Variants in SORL1 observed in about 807,000 individuals in gnomAD.
The protein encoded by SORL1 is sortilin related receptor 1.
Under a neutral mutation model 273.7 loss-of-function variants are expected in SORL1, and 127 were observed. The observed-to-expected ratio is 0.46, with a 90% CI of 0.40 to 0.54. SORL1 has a LOEUF of 0.54. Ranked by LOEUF, SORL1 falls within the 20% of genes least tolerant of loss-of-function variation. The pLI is 0.00. For synonymous variants in SORL1, 1,031 were observed against 1,067.4 expected (o/e 0.97, Z 0.66); for missense variants, 2,494 against 2,846.1 (o/e 0.88, Z 2.81).
chr11:121,478,095 A>T, intron 2 of SORL1, 23 bp from the exon 3 acceptor site: 1 of 1,582,242 alleles, frequency 6.3e-7, no homozygotes, highest in African/African-American at 1.4e-5. Context: ...TTTCTTTTTC[A>T]TCTCCTTTTC....
At chr11:121,523,853 T>C (rs1466961456) in intron 11 of SORL1, among the ~76,000 whole-genome samples, 1 of 152,170 alleles carries the variant, frequency 6.6e-6, no homozygotes, top group African/African-American at 2.4e-5. Context: ...CTAGCAGACA[T>C]AGTTCCCATC....
At chr11:121,495,164 C>T (rs934195249) in intron 5 of SORL1, among the ~76,000 whole-genome samples, 2 of 152,168 alleles carry the variant, frequency 1.3e-5, no homozygotes, top group African/African-American at 4.8e-5. Flanking sequence ...GCTCACCCAG[C>T]CTCAAACTTC....
chr11:121,495,596 C>G (rs569654378), intron 5 of SORL1, among the ~76,000 whole-genome samples: 1 of 152,176 alleles, frequency 6.6e-6, no homozygotes, highest in Non-Finnish European at 1.5e-5. Context: ...TGTATTCTCA[C>G]TACAAGACTA....
chr11:121,602,848 GC>G (rs1863414565), intron 32 of SORL1, among the ~76,000 whole-genome samples: 1 of 152,122 alleles, frequency 6.6e-6, no homozygotes, highest in African/African-American at 2.4e-5. Flanking sequence ...AGTTAGCTTG[GC>G]CTACGTGCAG....
In SORL1 at chr11:121,490,011, G is replaced by T. The variant is rs766774665; in HGVS notation, c.691-32G>T. The T allele has an allele frequency of 9.7e-6, 15 of 1,548,768 alleles. No homozygotes were observed. The South Asian group carries it at 1.7e-4, about 17-fold the overall frequency. On this transcript the variant is annotated intron_variant, in intron 4 of 47. Coordinates refer to ENST00000260197, the MANE Select transcript of SORL1 (RefSeq NM_003105.6). ...ATGCCATTCAGGTTGTATTATACAT[G>T]CCTCTTGCATCATGACCACTTGTCT...
chr11:121,513,201 T>C (rs945595167), intron 7 of SORL1, 97 bp downstream of exon 7: 79 of 899,308 alleles, frequency 8.8e-5, no homozygotes, highest in Middle Eastern at 4.8e-4. Context: ...GGAGTGGATA[T>C]TTTATGGCGC....
chr11:121,571,213 A>T (rs574194466), intron 23 of SORL1, among the ~76,000 whole-genome samples: 221 of 152,358 alleles, frequency 1.5e-3, no homozygotes, highest in Middle Eastern at 0.014. Context: ...CCTAGCAAAG[A>T]GCTCTGGAGA....
At chr11:121,609,613 G>T (rs1166606874) in intron 38 of SORL1, 1 of 152,204 alleles carries the variant, frequency 6.6e-6, no homozygotes, top group Non-Finnish European at 1.5e-5. Flanking sequence ...TTGTACAGAA[G>T]GCAGCTGTGT....
At chr11:121,487,676 T>A (rs939105290) in intron 3 of SORL1, among the ~76,000 whole-genome samples, 1 of 152,206 alleles carries the variant, frequency 6.6e-6, no homozygotes, top group Non-Finnish European at 1.5e-5. Context: ...TGCCAGTAAC[T>A]ACCCTCTGGT....
intron 32 of SORL1, among the ~76,000 whole-genome samples, chr11:121,598,282 A>G (rs982402511): frequency 6.6e-6 from 1 of 151,984 alleles, no homozygotes; most frequent in Admixed American, 6.6e-5. Flanking sequence ...AGGAAGAGTG[A>G]CCTCTTTGTA....
In SORL1 at chr11:121,522,702, T is replaced by G; in HGVS notation, c.1521T>G (p.Thr507=). ...KESAPGLIIA[T]GSVGKNLASK... ...CGGCTCCAGGCCTCATCATCGCCACTGGTAAGTGTGCTTGCCTGTTCTCAA... is the reference window on the plus strand; with the variant it reads ...CGGCTCCAGGCCTCATCATCGCCACGGGTAAGTGTGCTTGCCTGTTCTCAA... Residue 507 remains threonine, a splice_region_variant and synonymous_variant, in exon 10 of 48, where the codon ACT becomes ACG. Coordinates refer to ENST00000260197, the MANE Select transcript of SORL1 (RefSeq NM_003105.6). 1.2e-6 allele frequency: 2 copies of G among 1,608,946 alleles called. No homozygotes were observed. The highest frequency in any genetic ancestry group is 1.1e-5 in the South Asian group (1 of 90,992).
intron 45 of SORL1, among the ~76,000 whole-genome samples, chr11:121,624,106 G>A (rs537499063): frequency 9.2e-5 from 14 of 152,294 alleles, no homozygotes; most frequent in African/African-American, 2.4e-4. Context: ...AGGGGAAGCC[G>A]CACCCATGAT....
Position 121,520,648 on chromosome 11 carries a change from A to G in SORL1, c.1212-9A>G, listed in dbSNP as rs1862025930. 1 of 1,545,384 alleles carries G rather than the reference A, an allele frequency of 6.5e-7. No homozygotes were observed. Among genetic ancestry groups the G allele is most frequent in the African/African-American group, 1.4e-5 (1 of 72,116 alleles). On this transcript the variant is annotated splice_polypyrimidine_tract_variant and intron_variant, in intron 8 of 47. Transcript: ENST00000260197. ...TTCAGGTTCATAGCTGTTTATTTTC[A>G]TATTGTAGGTATTTTGCAAATGAAC... is the stretch of plus-strand genomic sequence containing the variant.
At chr11:121,619,582 G>A (rs1157285798) in intron 42 of SORL1, among the ~76,000 whole-genome samples, 171 bp from the exon 43 acceptor site, 1 of 152,038 alleles carries the variant, frequency 6.6e-6, no homozygotes, top group Non-Finnish European at 1.5e-5. Context: ...TCTTACCAGT[G>A]GTACCTCTTG....
chr11:121,597,498 C>G (rs1489649173), intron 32 of SORL1, among the ~76,000 whole-genome samples: 2 of 150,576 alleles, frequency 1.3e-5, no homozygotes, highest in Admixed American at 1.3e-4. Flanking sequence ...CGCTCTGTTG[C>G]CCAGGCTGGA....
In SORL1 at chr11:121,522,569, A is replaced by C; in HGVS notation, c.1405-17A>C. Reference sequence around the variant, plus strand: ...TGGTATCATGTGCTGACACTGCCTGAAACTTTGGTTGTATAGCTTTCCCAG... The same window carrying C: ...TGGTATCATGTGCTGACACTGCCTGCAACTTTGGTTGTATAGCTTTCCCAG... On this transcript the variant is annotated splice_polypyrimidine_tract_variant and intron_variant, in intron 9 of 47. Transcript: ENST00000260197. 1 of 1,594,176 alleles carries C rather than the reference A, an allele frequency of 6.3e-7. No individual in the cohort carries two copies. The highest frequency in any genetic ancestry group is 8.6e-7 in the Non-Finnish European group (1 of 1,161,946).
At chr11:121,628,663 T>A (rs1287860797) in intron 47 of SORL1, among the ~76,000 whole-genome samples, 1 of 152,234 alleles carries the variant, frequency 6.6e-6, no homozygotes, top group African/African-American at 2.4e-5. Context: ...ATGAAAACCC[T>A]AAATGCTAAT....
chr11:121,604,354 C>T, intron 33 of SORL1, 30 bp downstream of exon 33: 3 of 1,477,810 alleles, frequency 2.0e-6, no homozygotes, highest in Non-Finnish European at 2.8e-6. Flanking sequence ...CTGGGCTGGG[C>T]TGGGCTGGGC....
intron 6 of SORL1, among the ~76,000 whole-genome samples, chr11:121,511,204 A>G (rs1861873407): frequency 6.6e-6 from 1 of 152,056 alleles, no homozygotes; most frequent in African/African-American, 2.4e-5. Context: ...TGATTGTAGT[A>G]TTCTGTGATT....
Sources: allele counts gnomAD v4.1 joint callset (sites outside exome capture counted in the v4.1 genomes callset), GRCh38; gene constraint gnomAD v4.1.1; transcripts MANE v1.5; gene names NCBI Gene and HGNC (gene_info 2026-07-23, HGNC 2026-07-21).